ZNF446: variants seen among roughly 807,000 people sequenced by gnomAD.
ZNF446 encodes the protein zinc finger protein with KRAB and SCAN domains 20.
Under a neutral mutation model 34.0 loss-of-function variants are expected in ZNF446, and 42 were observed. The observed-to-expected ratio is 1.23, with a 90% CI of 0.96 to 1.60. The LOEUF (loss-of-function observed/expected upper bound fraction) is 1.60, where lower values mean the gene tolerates loss of function less well. ZNF446 is among the 40% of genes most tolerant of loss of function. The probability of loss-of-function intolerance (pLI) is 0.00; values close to 1 mark genes in which losing one functional copy is unlikely to be tolerated. For missense variants in ZNF446, 650 were observed against 600.2 expected (o/e 1.08, Z -0.87); for synonymous variants, 315 against 251.0 (o/e 1.25, Z -2.41).
the ZNF446 span, among the ~76,000 whole-genome samples, chr19:58,487,775 C>G: frequency 6.6e-6 from 1 of 152,318 alleles, no homozygotes; most frequent in East Asian, 1.9e-4. Flanking sequence ...CGCCACTGTA[C>G]TCCAGCCTGG....
At chr19:58,481,693 C>G (rs1012411215), downstream of ZNF446, among the ~76,000 whole-genome samples, 2 of 152,226 alleles carry the variant, frequency 1.3e-5, no homozygotes, top group African/African-American at 4.8e-5. Flanking sequence ...GCTGCTTTAA[C>G]AAACTTGGCA....
chr19:58,477,291 G>A lies in ZNF446; in HGVS notation c.73G>A (p.Ala25Thr), dbSNP rs775484302. Residue 25 changes from alanine to threonine, a missense_variant, in exon 2 of 7, where the codon GCC becomes ACC. Coordinates refer to ENST00000594369, the MANE Select transcript of ZNF446 (RefSeq NM_017908.4). ...PETTLEEPET[A>T]RLRFRGFCYQ... ...GACCACCCTTGAGGAGCCTGAGACT[G>A]CCCGCCTCCGCTTCCGAGGGTTCTG... 4.4e-5 allele frequency: 71 copies of A among 1,612,478 alleles called. 1 individual carries two copies. In the Admixed American group the frequency reaches 5.7e-4, roughly 13 times the overall value.
At chr19:58,486,782 C>A in the ZNF446 span, among the ~76,000 whole-genome samples, 1 of 151,028 alleles carries the variant, frequency 6.6e-6, no homozygotes, top group Non-Finnish European at 1.5e-5. Flanking sequence ...AATTTTATGA[C>A]CTCAAGAGTT....
At chr19:58,479,409 C>T in intron 4 of ZNF446, 1 of 540,434 alleles carries the variant, frequency 1.9e-6, no homozygotes, top group Non-Finnish European at 3.3e-6. Flanking sequence ...CAAACCTGCC[C>T]TCTGAGCAGG....
At chr19:58,484,128 C>G (rs1399639741), downstream of ZNF446, among the ~76,000 whole-genome samples, 1 of 151,964 alleles carries the variant, frequency 6.6e-6, no homozygotes, top group Non-Finnish European at 1.5e-5. Context: ...CACCATCTCA[C>G]CAAGCTAATA....
intron 4 of ZNF446, among the ~76,000 whole-genome samples, chr19:58,478,991 A>G (rs762471114): frequency 1.1e-4 from 16 of 152,174 alleles, no homozygotes; most frequent in Non-Finnish European, 2.1e-4. Context: ...GGCCTCTTCT[A>G]CCTGGATCGC....
chr19:58,487,535 G>A, the ZNF446 span, among the ~76,000 whole-genome samples: 10 of 152,244 alleles, frequency 6.6e-5, no homozygotes, highest in East Asian at 1.7e-3. Flanking sequence ...AAGTCCAGGC[G>A]CGGTGGCTCA....
Position 58,481,001 on chromosome 19 carries a change from G to T in ZNF446, c.*275G>T. ...CTGTGGGGTGACTGCCAAGCACCAGGCTCCCTCCCTCCCTGTGACATGGCC... is the reference window on the plus strand; with the variant it reads ...CTGTGGGGTGACTGCCAAGCACCAGTCTCCCTCCCTCCCTGTGACATGGCC... On this transcript the variant is annotated 3_prime_UTR_variant, in exon 7 of 7. Transcript: ENST00000594369. 2.1e-6 allele frequency: 1 copy of T among 479,204 alleles called. No homozygotes were observed. The highest frequency in any genetic ancestry group is 1.9e-5 in the African/African-American group (1 of 51,900). 29.7% of individuals were successfully genotyped at this position (479,204 alleles called of 1,614,324 possible).
At position 58,480,983 on chromosome 19, in the gene ZNF446, G is replaced by A; in HGVS notation, c.*257G>A. 3.8e-6 allele frequency: 2 copies of A among 520,338 alleles called. No individual in the cohort carries two copies. Among genetic ancestry groups the A allele is most frequent in the Non-Finnish European group, 6.9e-6 (2 of 290,606 alleles). The allele number at this position is 520,338 out of a possible 1,614,324, so 32.2% of individuals were successfully genotyped here. On this transcript the variant is annotated 3_prime_UTR_variant, in exon 7 of 7. Transcript: ENST00000594369. The surrounding 1 kb of genome is among the most constrained non-coding windows in gnomAD (Gnocchi z 7.2). The stretch of plus-strand genomic sequence containing the variant: ...TCTATGGCTGACCAGTGCCTGTGGG[G>A]TGACTGCCAAGCACCAGGCTCCCTC...
In ZNF446 at chr19:58,477,175, G is replaced by A. The variant is rs774269371; in HGVS notation, c.-40-4G>A. The A allele has an allele frequency of 1.3e-5, 19 of 1,479,746 alleles. No individual in the cohort carries two copies. Among genetic ancestry groups the A allele is most frequent in the Non-Finnish European group, 1.5e-5 (17 of 1,107,160 alleles). 91.7% of individuals were successfully genotyped at this position (1,479,746 alleles called of 1,614,324 possible). A position where few individuals can be genotyped will look rare whatever the true frequency, so the allele number is the denominator to read the frequency against. On this transcript the variant is annotated splice_polypyrimidine_tract_variant and splice_region_variant and intron_variant, in intron 1 of 6. Transcript: ENST00000594369. ...CTGACATTCCGACCCTTCCTTTTCT[G>A]TAGGCCCATCTTGACGATTCCAAGA...
In ZNF446 at chr19:58,477,165, T is replaced by C. The variant is rs2053093708; in HGVS notation, c.-40-14T>C. On this transcript the variant is annotated splice_polypyrimidine_tract_variant and intron_variant, in intron 1 of 6. Coordinates refer to ENST00000594369, the MANE Select transcript of ZNF446 (RefSeq NM_017908.4). ...ATTCTCTTGGCTGACATTCCGACCC[T>C]TCCTTTTCTGTAGGCCCATCTTGAC... is the stretch of plus-strand genomic sequence containing the variant. The C allele has an allele frequency of 1.4e-6, 2 of 1,458,912 alleles. No homozygotes were observed. The highest frequency in any genetic ancestry group is 9.2e-7 in the Non-Finnish European group (1 of 1,090,680). The allele number at this position is 1,458,912 out of a possible 1,614,324, so 90.4% of individuals were successfully genotyped here.
chr19:58,481,825 G>A (rs376719635), downstream of ZNF446, among the ~76,000 whole-genome samples: 81 of 152,084 alleles, frequency 5.3e-4, 4 homozygotes, highest in African/African-American at 2.4e-5. Flanking sequence ...ATGGAGTCTC[G>A]CTCAGTTGCC....
downstream of ZNF446, among the ~76,000 whole-genome samples, chr19:58,484,465 CAAAA>C (rs762913939): frequency 2.1e-5 from 2 of 97,370 alleles, no homozygotes; most frequent in East Asian, 3.1e-4. Flanking sequence ...GACTCCATCT[CAAAA>C]AAAAAAAAAA....
rs1211585446 is a variant in ZNF446, at chr19:58,477,513, G to T, written c.295G>T (p.Ala99Ser). The change falls in exon 2 of 7, where the codon GCC becomes TCC. Residue 99 changes from alanine to serine, a missense_variant. Coordinates refer to ENST00000594369, the MANE Select transcript of ZNF446 (RefSeq NM_017908.4). Reference protein sequence around the residue: ...QRPGSPEEAAALVEGLQHDPG... With the variant: ...QRPGSPEEAASLVEGLQHDPG... ...GCCAGGCAGTCCTGAGGAGGCCGCT[G>T]CCCTAGTCGAAGGACTGCAGCATGA... 5 of 1,612,862 alleles carry T rather than the reference G, an allele frequency of 3.1e-6. No homozygotes were observed. The East Asian group carries it at 6.7e-5, about 22-fold the overall frequency.
At chr19:58,487,096 T>C in the ZNF446 span, among the ~76,000 whole-genome samples, 2 of 152,092 alleles carry the variant, frequency 1.3e-5, no homozygotes, top group Admixed American at 6.6e-5. Context: ...TGGCCGAAAA[T>C]GATTTCTTAA....
chr19:58,489,158 C>T, the ZNF446 span, among the ~76,000 whole-genome samples: 17 of 152,178 alleles, frequency 1.1e-4, no homozygotes. Context: ...GCCTGGGGAC[C>T]AGATGGCCTT....
At chr19:58,481,441 A>G (rs1568619269), downstream of ZNF446, among the ~76,000 whole-genome samples, 1 of 152,258 alleles carries the variant, frequency 6.6e-6, no homozygotes, top group East Asian at 1.9e-4. Flanking sequence ...GGAACTCATC[A>G]GTCCCGGCTT....
chr19:58,477,712 C>A lies in ZNF446; in HGVS notation c.418C>A (p.Pro140Thr), dbSNP rs370067711. 2.5e-6 allele frequency: 4 copies of A among 1,613,778 alleles called. No homozygotes were observed. Among genetic ancestry groups the A allele is most frequent in the Non-Finnish European group, 2.5e-6 (3 of 1,180,008 alleles). ...KTEEPLGSPH[P>T]SGTVESPGEG... ...AGAGGAACCACTTGGGAGCCCCCAC[C>A]CCTCAGGGACAGTGGAGTCCCCTGG... Residue 140 changes from proline (P) to threonine (T), a missense_variant, in exon 3 of 7, where the codon CCC becomes ACC. Pro to Thr is a conservative substitution (Grantham distance 38). Transcript: ENST00000594369.
At chr19:58,486,895 T>C in the ZNF446 span, among the ~76,000 whole-genome samples, 200 of 151,946 alleles carry the variant, frequency 1.3e-3, 1 homozygote, top group East Asian at 9.7e-4. Flanking sequence ...CTCCGCCTCC[T>C]GGGTTCACGC....
Sources: gnomAD v4.1 joint callset for allele counts (sites outside exome capture counted in the v4.1 genomes callset) on GRCh38, gnomAD v4.1.1 for gene constraint, Gnocchi (gnomAD v3.1) non-coding constraint, MANE v1.5 for transcripts, NCBI Gene and HGNC (gene_info 2026-07-23, HGNC 2026-07-21) for gene names.